The following MATN2 variants were observed in gnomAD, a reference collection of about 807,000 sequenced individuals.
MATN2 encodes the protein matrilin-2.
A neutral mutation model predicts 103.2 loss-of-function variants in MATN2; 69 were observed. The ratio of observed to expected loss-of-function variants is 0.67; its 90% CI spans 0.55 to 0.82. MATN2 has a LOEUF of 0.82. MATN2 is among the 40% of genes least tolerant of loss of function. The probability of loss-of-function intolerance (pLI) is 0.00; values close to 1 mark genes in which losing one functional copy is unlikely to be tolerated. For missense variants in MATN2, 1,023 were observed against 1,211.5 expected, an observed-to-expected ratio of 0.84 and a Z score of 2.31; for synonymous variants, 429 against 450.2, an observed-to-expected ratio of 0.95 and a Z score of 0.60.
chr8:97,898,685 T>C (rs1367912164), intron 2 of MATN2, among the ~76,000 whole-genome samples: 1 of 152,032 alleles, frequency 6.6e-6, no homozygotes, highest in Non-Finnish European at 1.5e-5. Context: ...CTGCATGTAC[T>C]ATTATCCCTT....
intron 4 of MATN2, among the ~76,000 whole-genome samples, chr8:97,950,354 T>C (rs925680776): frequency 6.6e-6 from 1 of 152,128 alleles, no homozygotes; most frequent in African/African-American, 2.4e-5. Flanking sequence ...CTTTGTTGAG[T>C]AGGGGAATTG....
At chr8:97,996,126 T>G (rs113332356) in intron 7 of MATN2, among the ~76,000 whole-genome samples, 4 of 152,202 alleles carry the variant, frequency 2.6e-5, no homozygotes, top group Non-Finnish European at 5.9e-5. Flanking sequence ...TCAGCTCAGA[T>G]GCTCATTGCA....
intron 2 of MATN2, among the ~76,000 whole-genome samples, chr8:97,908,778 C>T (rs1819266202): frequency 1.3e-5 from 2 of 151,828 alleles, no homozygotes; most frequent in African/African-American, 4.8e-5. Flanking sequence ...ACTATAGGTG[C>T]GCCACCGTGC....
At chr8:97,966,685 CAG>C (rs951183069) in intron 5 of MATN2, among the ~76,000 whole-genome samples, 1 of 152,080 alleles carries the variant, frequency 6.6e-6, no homozygotes, top group Non-Finnish European at 1.5e-5. Context: ...ATTAACATGA[CAG>C]AGAGAGTAGA....
chr8:97,967,117 A>C (rs188020801), intron 5 of MATN2, among the ~76,000 whole-genome samples: 1 of 152,314 alleles, frequency 6.6e-6, no homozygotes, highest in East Asian at 1.9e-4. Flanking sequence ...CTGAGCGAGA[A>C]ATCACTTATC....
At chr8:97,993,270 C>A (rs998958865) in intron 6 of MATN2, among the ~76,000 whole-genome samples, 4 of 152,058 alleles carry the variant, frequency 2.6e-5, no homozygotes, top group Non-Finnish European at 4.4e-5. Context: ...CTCATTTATA[C>A]CAAATTATTT....
chr8:97,895,378 T>C (rs1818775807), intron 2 of MATN2, among the ~76,000 whole-genome samples: 1 of 152,190 alleles, frequency 6.6e-6, no homozygotes, highest in South Asian at 2.1e-4. Flanking sequence ...AAAACTTTTG[T>C]CTCCTTCCCT....
intron 5 of MATN2, among the ~76,000 whole-genome samples, chr8:97,972,458 G>A (rs77782232): frequency 0.031 from 4,677 of 152,224 alleles, 222 homozygotes; most frequent in African/African-American, 0.1. Flanking sequence ...CTCTGTGTGT[G>A]TGTGTCTAAT....
chr8:97,880,770 A>G (rs1003508815), intron 1 of MATN2, among the ~76,000 whole-genome samples: 25 of 152,124 alleles, frequency 1.6e-4, no homozygotes, highest in Admixed American at 1.2e-3. Context: ...TCCTGCTACA[A>G]TGGGATTTCA....
intron 1 of MATN2, among the ~76,000 whole-genome samples, chr8:97,883,405 T>A (rs1818316994): frequency 6.6e-6 from 1 of 152,124 alleles, no homozygotes; most frequent in Non-Finnish European, 1.5e-5. Flanking sequence ...TTGTTTGTTT[T>A]GAGACAGAGT....
At chr8:97,994,662 T>C in intron 7 of MATN2, 60 bp downstream of exon 7, 3 of 1,547,080 alleles carry the variant, frequency 1.9e-6, no homozygotes, top group Non-Finnish European at 2.6e-6. Context: ...CTAGTTAGTT[T>C]TCCTTTCCGT....
chr8:97,910,051 G>A (rs1819315283), intron 2 of MATN2, among the ~76,000 whole-genome samples: 1 of 151,196 alleles, frequency 6.6e-6, no homozygotes, highest in Admixed American at 6.6e-5. Flanking sequence ...CCAAAGTGCT[G>A]GGATTACAGG....
intron 6 of MATN2, among the ~76,000 whole-genome samples, chr8:97,994,188 GA>G (rs1439187087): frequency 2.9e-5 from 4 of 137,382 alleles, no homozygotes; most frequent in African/African-American, 5.3e-5. Context: ...GAGGAGGAGG[GA>G]GGGGGGAAGA....
intron 1 of MATN2, among the ~76,000 whole-genome samples, chr8:97,871,001 G>A (rs1817877258): frequency 6.6e-6 from 1 of 152,088 alleles, no homozygotes; most frequent in Non-Finnish European, 1.5e-5. Flanking sequence ...TATAAATCGG[G>A]GCTCTGGGGT....
chr8:97,993,362 C>G (rs1193168381), intron 6 of MATN2, among the ~76,000 whole-genome samples: 1 of 152,046 alleles, frequency 6.6e-6, no homozygotes, highest in African/African-American at 2.4e-5. Context: ...TTTTAAGATT[C>G]CATCAGTGGT....
chr8:98,029,052 A>T, intron 14 of MATN2, among the ~76,000 whole-genome samples: 1 of 152,228 alleles, frequency 6.6e-6, no homozygotes, highest in Non-Finnish European at 1.5e-5. Context: ...TGCTGAGTGA[A>T]TGAAGAAAGA....
intron 7 of MATN2, among the ~76,000 whole-genome samples, chr8:97,997,142 C>T (rs1450106812): frequency 6.6e-6 from 1 of 152,202 alleles, no homozygotes; most frequent in Non-Finnish European, 1.5e-5. Context: ...AGGTAGAGCC[C>T]TAGGGCCAAA....
chr8:97,938,112 G>A (rs1810437897), intron 3 of MATN2, among the ~76,000 whole-genome samples: 1 of 151,968 alleles, frequency 6.6e-6, no homozygotes, highest in Admixed American at 6.6e-5. Context: ...ACATCACTTG[G>A]GCCTCCCACT....
intron 3 of MATN2, among the ~76,000 whole-genome samples, chr8:97,935,259 G>A (rs1426382327): frequency 6.6e-6 from 1 of 152,158 alleles, no homozygotes; most frequent in Non-Finnish European, 1.5e-5. Flanking sequence ...GTCAGGGTCT[G>A]CCTGGGGGCT....
Sources: gnomAD v4.1 joint callset for allele counts (sites outside exome capture counted in the v4.1 genomes callset) on GRCh38, gnomAD v4.1.1 for gene constraint, MANE v1.5 for transcripts, NCBI Gene and HGNC (gene_info 2026-07-23, HGNC 2026-07-21) for gene names.